The following TIGD4 variants were observed in gnomAD, a reference collection of about 807,000 sequenced individuals.
TIGD4 encodes tigger transposable element-derived protein 4.
TIGD4 carries 20 observed loss-of-function variants against 24.9 expected under a neutral mutation model. That is an observed-to-expected ratio of 0.80 (90% CI 0.56 to 1.17). The LOEUF is 1.17. TIGD4 is among the 50% of genes most tolerant of loss of function. The pLI, the probability that TIGD4 is intolerant of heterozygous loss-of-function variation, is 0.00. For missense variants in TIGD4, 566 were observed against 591.0 expected, an observed-to-expected ratio of 0.96 and a Z score of 0.44; for synonymous variants, 193 against 211.0, an observed-to-expected ratio of 0.91 and a Z score of 0.74.
chr4:152,775,762 C>T (rs1321343894), intron 1 of TIGD4, among the ~76,000 whole-genome samples: 2 of 152,150 alleles, frequency 1.3e-5, no homozygotes, highest in Non-Finnish European at 1.5e-5. Context: ...TAGAATATTG[C>T]CCTTTTGATT....
At chr4:152,772,120 TTC>T (rs766880812) in intron 1 of TIGD4, among the ~76,000 whole-genome samples, 7 of 152,348 alleles carry the variant, frequency 4.6e-5, no homozygotes, top group African/African-American at 9.6e-5. Flanking sequence ...TTTAAAATTT[TTC>T]TCTCTTTTTT....
intron 1 of TIGD4, among the ~76,000 whole-genome samples, chr4:152,774,607 A>C (rs1037264981): frequency 3.3e-5 from 5 of 152,230 alleles, no homozygotes; most frequent in Non-Finnish European, 4.4e-5. Context: ...TATTTTCTCT[A>C]TGTCAATGGT....
In TIGD4 at chr4:152,777,586, AAGGGAGGG is replaced by A. The variant is rs372645622; in HGVS notation, c.-539+1888_-539+1895del. ...GAGGGGAGAAAGGAAAAAAGGAAGG[AAGGGAGGG>A]AGGGAGGGAAGGAGGAAAGAAAAAG... On this transcript the variant is annotated intron_variant, in intron 1 of 1. Transcript: ENST00000304337. 3.1e-4 allele frequency among the ~76,000 whole-genome samples: 43 copies of A among 140,486 alleles called. No individual in the cohort carries two copies. In the East Asian group the frequency reaches 9.8e-3, roughly 32 times the overall value. 92.2% of individuals were successfully genotyped at this position (140,486 alleles called of 152,430 possible).
chr4:152,769,799 A>G lies in TIGD4; in HGVS notation c.1206T>C (p.Ala402=), dbSNP rs1195940465. 1 of 1,613,448 alleles carries G rather than the reference A, an allele frequency of 6.2e-7. No homozygotes were observed. Among genetic ancestry groups the G allele is most frequent in the Admixed American group, 1.7e-5 (1 of 60,020 alleles). The part of the protein sequence containing the change: ...AEKDTGLDLV[A]DALGAGVEFP... ...ATTCTACTCCTGCCCCCAGAGCATCAGCAACCAAATCCAGACCAGTATCCT... is the reference window on the plus strand; with the variant it reads ...ATTCTACTCCTGCCCCCAGAGCATCGGCAACCAAATCCAGACCAGTATCCT... The change falls in exon 2 of 2, where the codon GCT becomes GCC. Residue 402 remains alanine, a synonymous_variant. Transcript: ENST00000304337.
intron 1 of TIGD4, among the ~76,000 whole-genome samples, chr4:152,775,320 T>C (rs1297067935): frequency 1.3e-5 from 2 of 152,204 alleles, no homozygotes; most frequent in Non-Finnish European, 2.9e-5. Context: ...ACAAACTCAA[T>C]GCCTTAAAAC....
At chr4:152,774,585 C>T (rs1435628400) in intron 1 of TIGD4, among the ~76,000 whole-genome samples, 1 of 152,244 alleles carries the variant, frequency 6.6e-6, no homozygotes, top group Non-Finnish European at 1.5e-5. Flanking sequence ...TGCTATTCTA[C>T]ATGTTAGGGA....
Position 152,769,571 on chromosome 4 carries a change from A to G in TIGD4, c.1434T>C (p.Ala478=), listed in dbSNP as rs1243707698. 6.2e-7 allele frequency: 1 copy of G among 1,613,326 alleles called. No individual in the cohort carries two copies. Among genetic ancestry groups the G allele is most frequent in the Non-Finnish European group, 8.5e-7 (1 of 1,179,686 alleles). Residue 478 remains alanine, a synonymous_variant, in exon 2 of 2, where the codon GCT becomes GCC. Coordinates refer to ENST00000304337, the MANE Select transcript of TIGD4 (RefSeq NM_145720.4). ...PLPSKSEAIT[A]LDTLKKFLRS... ...TGAGAAATTTTTTCAGAGTATCTAA[A>G]GCAGTTATTGCCTCAGATTTTGATG...
At chr4:152,772,971 C>CA (rs1730201905) in intron 1 of TIGD4, among the ~76,000 whole-genome samples, 1 of 152,154 alleles carries the variant, frequency 6.6e-6, no homozygotes, top group African/African-American at 2.4e-5. Flanking sequence ...CGGCTGCCTC[C>CA]AGCCTCCCAA....
At chr4:152,777,295 C>T (rs2149807262) in intron 1 of TIGD4, among the ~76,000 whole-genome samples, 1 of 152,278 alleles carries the variant, frequency 6.6e-6, no homozygotes. Flanking sequence ...GAATAAATAG[C>T]ACCTGATTTT....
At chr4:152,776,747 A>C (rs1730267545) in intron 1 of TIGD4, among the ~76,000 whole-genome samples, 1 of 152,218 alleles carries the variant, frequency 6.6e-6, no homozygotes, top group Non-Finnish European at 1.5e-5. Context: ...TGGTGTTATA[A>C]GAGAATCAAG....
intron 1 of TIGD4, 80 bp downstream of exon 1, chr4:152,779,402 G>A (rs1469774202): frequency 6.6e-6 from 1 of 152,300 alleles, no homozygotes; most frequent in African/African-American, 2.4e-5. Context: ...GGCAGCGCGA[G>A]GCAGCGCCCG....
rs200060966 is a variant in TIGD4 at position 152,770,128 on chromosome 4, G to A, written c.877C>T (p.His293Tyr). The change falls in exon 2 of 2, where the codon CAT becomes TAT. Residue 293 changes from histidine (H) to tyrosine (Y), a missense_variant. Physicochemically the swap from His to Tyr is moderately conservative, Grantham distance 83. Coordinates refer to ENST00000304337, the MANE Select transcript of TIGD4 (RefSeq NM_145720.4). ...GATTTTAGGTTCTTTACCTCTGGAT[G>A]TGCTGGAAAAGACTCAACAAAAATC... ...VVIFVESFPA[H>Y]PEVKNLKSIE... 15 of 1,613,928 alleles carry A rather than the reference G, an allele frequency of 9.3e-6. No individual in the cohort carries two copies. The highest frequency in any genetic ancestry group is 1.3e-5 in the African/African-American group (1 of 74,910).
At chr4:152,774,099 C>T (rs897166130) in intron 1 of TIGD4, among the ~76,000 whole-genome samples, 1 of 151,534 alleles carries the variant, frequency 6.6e-6, no homozygotes, top group Non-Finnish European at 1.5e-5. Flanking sequence ...TCTCTCCCTC[C>T]TGCCTTATCT....
intron 1 of TIGD4, among the ~76,000 whole-genome samples, chr4:152,771,847 T>TA (rs959575765): frequency 6.6e-6 from 1 of 152,176 alleles, no homozygotes. Context: ...ATTAAAGAAC[T>TA]AAAAATGATG....
intron 1 of TIGD4, among the ~76,000 whole-genome samples, chr4:152,774,969 G>A (rs1367612208): frequency 2.6e-5 from 4 of 150,994 alleles, no homozygotes; most frequent in Non-Finnish European, 5.9e-5. Context: ...AGGCTAGAGT[G>A]CAGTGGTGCA....
intron 1 of TIGD4, among the ~76,000 whole-genome samples, chr4:152,772,730 G>C (rs1222354690): frequency 7.1e-6 from 1 of 141,280 alleles, no homozygotes; most frequent in Admixed American, 7.1e-5. Flanking sequence ...TTTTTCTTTT[G>C]AGATGGAGTC....
chr4:152,779,018 G>A (rs1029764483), intron 1 of TIGD4, among the ~76,000 whole-genome samples: 3 of 152,208 alleles, frequency 2.0e-5, no homozygotes, highest in African/African-American at 7.2e-5. Flanking sequence ...GGTACAGTGT[G>A]TAAATGAACT....
intron 1 of TIGD4, among the ~76,000 whole-genome samples, chr4:152,778,040 C>T (rs1443002622): frequency 6.6e-6 from 1 of 151,882 alleles, no homozygotes; most frequent in East Asian, 1.9e-4. Context: ...ACTTGGTTAG[C>T]ATCTTCACCA....
Position 152,770,479 on chromosome 4 carries a change from G to T in TIGD4, c.526C>A (p.Pro176Thr). Residue 176 changes from proline to threonine, a missense_variant, in exon 2 of 2, where the codon CCT becomes ACT. Physicochemically the swap from Pro to Thr is conservative, Grantham distance 38 (BLOSUM62 -1). Coordinates refer to ENST00000304337, the MANE Select transcript of TIGD4 (RefSeq NM_145720.4). ...TCTTTTATATTAAAAACATTTTTAGGATGATAATCATTTAAATAATAAGGA... is the reference window on the plus strand; with the variant it reads ...TCTTTTATATTAAAAACATTTTTAGTATGATAATCATTTAAATAATAAGGA... The part of the protein sequence containing the change: ...VLPYYLNDYH[P>T]KNVFNIKETG... 6.2e-7 allele frequency: 1 copy of T among 1,610,062 alleles called. No individual in the cohort carries two copies. Among genetic ancestry groups the T allele is most frequent in the Non-Finnish European group, 8.5e-7 (1 of 1,178,438 alleles).
Sources: allele counts gnomAD v4.1 joint callset (sites outside exome capture counted in the v4.1 genomes callset), GRCh38; gene constraint gnomAD v4.1.1; transcripts MANE v1.5; gene names NCBI Gene and HGNC (gene_info 2026-07-23, HGNC 2026-07-21).